NRG1: variants seen among roughly 807,000 people sequenced by gnomAD.
NRG1 encodes pro-neuregulin-1, membrane-bound isoform.
Under a neutral mutation model 63.8 loss-of-function variants are expected in NRG1, and 18 were observed. That is an observed-to-expected ratio of 0.28 (90% CI 0.19 to 0.42). The LOEUF (loss-of-function observed/expected upper bound fraction) is 0.42, where lower values mean the gene tolerates loss of function less well. NRG1 is among the 10% of genes least tolerant of loss of function. The pLI, the probability that NRG1 is intolerant of heterozygous loss-of-function variation, is 1.00. For missense variants in NRG1, 762 were observed against 814.7 expected (o/e 0.94, Z 0.79); for synonymous variants, 302 against 301.3 (o/e 1.00, Z -0.02).
intron 2 of NRG1, 56 bp from the exon 3 acceptor site, chr8:32,605,506 A>G (rs1845114106): frequency 6.3e-7 from 1 of 1,598,244 alleles, no homozygotes. Flanking sequence ...GTATGTATTT[A>G]TATTTGTTGG....
chr8:32,094,777 C>T (rs899317330), intron 1 of NRG1, among the ~76,000 whole-genome samples: 3 of 152,010 alleles, frequency 2.0e-5, no homozygotes, highest in Non-Finnish European at 4.4e-5. Flanking sequence ...CTTCTACCCT[C>T]CCCGCAAAAG....
At chr8:31,871,271 G>A (rs556030548) in intron 1 of NRG1, among the ~76,000 whole-genome samples, 117 of 152,124 alleles carry the variant, frequency 7.7e-4, no homozygotes, top group African/African-American at 2.7e-3. Context: ...TACTGTGCCC[G>A]TCCTTGTTTT....
chr8:32,258,338 A>G (rs530248433), intron 1 of NRG1, among the ~76,000 whole-genome samples: 3 of 152,326 alleles, frequency 2.0e-5, no homozygotes, highest in East Asian at 3.9e-4. Flanking sequence ...ATCTTTATAT[A>G]GTGTTTATTA....
intron 1 of NRG1, among the ~76,000 whole-genome samples, chr8:32,418,671 C>T (rs1816278387): frequency 6.6e-6 from 1 of 151,996 alleles, no homozygotes; most frequent in African/African-American, 2.4e-5. Flanking sequence ...CCAAGTATAA[C>T]AGATATCAGA....
At chr8:32,728,149 T>A in intron 6 of NRG1, 71 bp downstream of exon 6, 1 of 1,580,280 alleles carries the variant, frequency 6.3e-7, no homozygotes, top group Non-Finnish European at 8.6e-7. Flanking sequence ...TGTCTCATGA[T>A]GTATTGTTGC....
intron 1 of NRG1, among the ~76,000 whole-genome samples, chr8:31,801,789 T>C (rs1301042699): frequency 6.6e-6 from 1 of 152,248 alleles, no homozygotes; most frequent in Non-Finnish European, 1.5e-5. Flanking sequence ...TATTGCTCAA[T>C]ATCAGACGAA....
intron 1 of NRG1, among the ~76,000 whole-genome samples, chr8:31,711,593 G>A (rs570290491): frequency 6.6e-6 from 1 of 152,192 alleles, no homozygotes; most frequent in East Asian, 1.9e-4. Context: ...TTATTTCAAA[G>A]ACTTTTGGGG....
In NRG1 at chr8:32,746,867, C is replaced by CTTTTT. The variant is rs376346951; in HGVS notation, c.691+4147_691+4151dup. 8.8e-3 allele frequency among the ~76,000 whole-genome samples: 1,117 copies of CTTTTT among 127,270 alleles called. 30 individuals carry two copies. The highest frequency in any genetic ancestry group is 0.027 in the African/African-American group (929 of 34,864). The allele number at this position is 127,270 out of a possible 152,430, so 83.5% of individuals were successfully genotyped here. ...AAATGAAAAGTGTTCGTGTATTCTG[C>CTTTTT]TTTTTTTTTTTTTTTTTGACTTACA... On this transcript the variant is annotated intron_variant, in intron 7 of 11. Transcript: ENST00000356819.
At chr8:31,805,962 A>G (rs574488357) in intron 1 of NRG1, among the ~76,000 whole-genome samples, 1 of 152,320 alleles carries the variant, frequency 6.6e-6, no homozygotes, top group East Asian at 1.9e-4. Context: ...TGAAATACAC[A>G]TAATCACTTT....
At chr8:31,716,944 T>G (rs1330173782) in intron 1 of NRG1, among the ~76,000 whole-genome samples, 1 of 152,224 alleles carries the variant, frequency 6.6e-6, no homozygotes, top group East Asian at 1.9e-4. Flanking sequence ...AAAAGAAAGC[T>G]TAGAACAGTG....
intron 1 of NRG1, among the ~76,000 whole-genome samples, chr8:32,454,068 A>G (rs1007471111): frequency 6.6e-6 from 1 of 152,224 alleles, no homozygotes; most frequent in Non-Finnish European, 1.5e-5. Context: ...AAAATATCTC[A>G]GGAAAAATAA....
At chr8:31,668,850 A>G (rs886979514) in intron 1 of NRG1, among the ~76,000 whole-genome samples, 5 of 152,198 alleles carry the variant, frequency 3.3e-5, no homozygotes, top group African/African-American at 1.2e-4. Context: ...TGGCTGCTTT[A>G]TGTATAACTC....
chr8:32,084,800 A>G (rs748912915), intron 1 of NRG1, among the ~76,000 whole-genome samples: 2 of 152,106 alleles, frequency 1.3e-5, no homozygotes, highest in Non-Finnish European at 2.9e-5. Flanking sequence ...CTTCAAGGAG[A>G]GATCAGAAAT....
chr8:31,947,927 A>G (rs111778219), intron 1 of NRG1, among the ~76,000 whole-genome samples: 5,582 of 138,358 alleles, frequency 0.04, 411 homozygotes, highest in African/African-American at 0.15. Flanking sequence ...CTTGGGCTAC[A>G]GAGTGAGACT....
At chr8:31,730,074 A>T (rs1262007725) in intron 1 of NRG1, among the ~76,000 whole-genome samples, 1 of 152,172 alleles carries the variant, frequency 6.6e-6, no homozygotes, top group African/African-American at 2.4e-5. Context: ...CAATACAGTC[A>T]AACTGATTTT....
At chr8:32,081,058 T>C (rs1466937262) in intron 1 of NRG1, among the ~76,000 whole-genome samples, 1 of 152,122 alleles carries the variant, frequency 6.6e-6, no homozygotes, top group Admixed American at 6.6e-5. Context: ...GACAATTTGC[T>C]TGACTCGAAG....
In NRG1 at chr8:32,681,826, T is replaced by C. The variant is rs562148827; in HGVS notation, c.503-46123T>C. ...ACAGACGGCGACCCATTTATTAAGG[T>C]CCATTACACAGATATAGGAGGGACT... is the stretch of plus-strand genomic sequence containing the variant. On this transcript the variant is annotated intron_variant, in intron 5 of 11. Coordinates refer to ENST00000356819, the Ensembl canonical transcript of NRG1. 8.5e-5 allele frequency among the ~76,000 whole-genome samples: 13 copies of C among 152,244 alleles called. 1 individual carries two copies. In the South Asian group the frequency reaches 2.7e-3, roughly 32 times the overall value.
chr8:32,027,295 G>A (rs2130374582), intron 1 of NRG1, among the ~76,000 whole-genome samples: 1 of 152,100 alleles, frequency 6.6e-6, no homozygotes, highest in Admixed American at 6.5e-5. Context: ...GAATATTTAG[G>A]ACATGTATAT....
chr8:32,004,181 A>G (rs1417552817), intron 1 of NRG1, among the ~76,000 whole-genome samples: 1 of 151,980 alleles, frequency 6.6e-6, no homozygotes, highest in East Asian at 1.9e-4. Context: ...AGGGAAGACC[A>G]TGGAGACAAT....
Sources: allele counts gnomAD v4.1 joint callset (sites outside exome capture counted in the v4.1 genomes callset), GRCh38; gene constraint gnomAD v4.1.1; transcripts MANE v1.5; gene names NCBI Gene and HGNC (gene_info 2026-07-23, HGNC 2026-07-21).